Variants in FGD4 observed in about 807,000 individuals in gnomAD.
The protein encoded by FGD4 is FYVE, RhoGEF and PH domain containing 4.
In FGD4, 42 loss-of-function variants were observed where a neutral mutation model predicts 102.0. That is an observed-to-expected ratio of 0.41 (90% confidence interval 0.32 to 0.53). The LOEUF is 0.53. Ranked by LOEUF, FGD4 falls within the 20% of genes least tolerant of loss-of-function variation. FGD4 has a pLI of 0.21. For synonymous variants in FGD4, 380 were observed against 375.7 expected (o/e 1.01, Z -0.13); for missense variants, 902 against 1,078.2 (o/e 0.84, Z 2.29).
chr12:32,638,906 T>C, intron 16 of FGD4, 111 bp downstream of exon 16: 1 of 1,552,588 alleles, frequency 6.4e-7, no homozygotes, highest in Middle Eastern at 1.7e-4. Context: ...TTTCACTGTT[T>C]CATTAAAATT....
intron 3 of FGD4, among the ~76,000 whole-genome samples, chr12:32,576,734 C>T (rs982261821): frequency 6.6e-6 from 1 of 152,142 alleles, no homozygotes; most frequent in South Asian, 2.1e-4. Context: ...CTCTGTATCT[C>T]TGTGTGTCAT....
At chr12:32,406,747 C>A (rs915038723) in intron 1 of FGD4, among the ~76,000 whole-genome samples, 9 of 152,002 alleles carry the variant, frequency 5.9e-5, no homozygotes, top group Admixed American at 5.9e-4. Flanking sequence ...AAATCTCTAG[C>A]CACACCCTTG....
chr12:32,611,608 T>C (rs1010501028), intron 10 of FGD4, among the ~76,000 whole-genome samples: 2 of 152,196 alleles, frequency 1.3e-5, no homozygotes, highest in African/African-American at 4.8e-5. Flanking sequence ...AGGAATTATA[T>C]ATAAAAATAG....
At chr12:32,474,964 ATGTATC>A (rs1465372658) in intron 1 of FGD4, among the ~76,000 whole-genome samples, 1 of 152,188 alleles carries the variant, frequency 6.6e-6, no homozygotes, top group Non-Finnish European at 1.5e-5. Flanking sequence ...TGGCGGGTAT[ATGTATC>A]TGTGAATATA....
chr12:32,564,434 G>A (rs1304610947), intron 2 of FGD4, 145 bp downstream of exon 2: 2 of 1,043,744 alleles, frequency 1.9e-6, no homozygotes, highest in African/African-American at 3.2e-5. Flanking sequence ...GTCCATCTGT[G>A]CATCTTCTCA....
intron 1 of FGD4, among the ~76,000 whole-genome samples, chr12:32,468,868 C>T (rs1456874141): frequency 6.6e-6 from 1 of 152,102 alleles, no homozygotes; most frequent in Non-Finnish European, 1.5e-5. Context: ...ACTCTGTCAC[C>T]CAGGCTGGAG....
chr12:32,494,755 G>C (rs564441130), intron 1 of FGD4, among the ~76,000 whole-genome samples: 57 of 152,204 alleles, frequency 3.7e-4, no homozygotes, highest in Non-Finnish European at 7.2e-4. Flanking sequence ...GAGGGCCCAG[G>C]ATGCAAGAAC....
chr12:32,620,693 ATTT>A (rs1208809588), intron 11 of FGD4, among the ~76,000 whole-genome samples: 1 of 97,088 alleles, frequency 1.0e-5, no homozygotes, highest in Non-Finnish European at 2.0e-5. Flanking sequence ...CACCTGGCTA[ATTT>A]TTTTTTTTTT....
Position 32,593,465 on chromosome 12 carries a change from T to C in FGD4, c.1012-5032T>C, listed in dbSNP as rs139520738. On this transcript the variant is annotated intron_variant, in intron 4 of 16. Transcript: ENST00000534526. ...CTTTGTCAGGGTTAGGGACCTAACATGTAGAAGGTGGTCTGTGTGGAGAGA... is the reference window on the plus strand; with the variant it reads ...CTTTGTCAGGGTTAGGGACCTAACACGTAGAAGGTGGTCTGTGTGGAGAGA... Among the ~76,000 whole-genome samples the C allele has an allele frequency of 1.5e-3, 235 of 152,298 alleles. 1 individual carries two copies. Among genetic ancestry groups the C allele is most frequent in the Non-Finnish European group, 2.4e-3 (161 of 68,010 alleles).
intron 1 of FGD4, among the ~76,000 whole-genome samples, chr12:32,554,914 C>G (rs896724850): frequency 3.2e-4 from 49 of 152,334 alleles, no homozygotes; most frequent in African/African-American, 1.1e-3. Flanking sequence ...AAGGCCAGAT[C>G]CTATAGAGCT....
At chr12:32,605,533 G>A (rs1037215584) in intron 7 of FGD4, among the ~76,000 whole-genome samples, 23 of 151,960 alleles carry the variant, frequency 1.5e-4, no homozygotes, top group African/African-American at 5.6e-4. Flanking sequence ...GTTCCTCTAG[G>A]GTTGCTGTTT....
At chr12:32,580,663 A>G (rs936031893) in intron 3 of FGD4, among the ~76,000 whole-genome samples, 2 of 152,058 alleles carry the variant, frequency 1.3e-5, no homozygotes, top group African/African-American at 2.4e-5. Context: ...CGAGGCGGGC[A>G]GATCACGAGG....
chr12:32,552,434 A>ATTTTTTTTTTTT (rs66646521), intron 1 of FGD4, among the ~76,000 whole-genome samples: 1 of 120,968 alleles, frequency 8.3e-6, no homozygotes, highest in Admixed American at 9.2e-5. Flanking sequence ...TAATTTTTGC[A>ATTTTTTTTTTTT]TTTTTTTTTT....
intron 1 of FGD4, among the ~76,000 whole-genome samples, chr12:32,432,559 G>A (rs1459528703): frequency 6.6e-6 from 1 of 150,464 alleles, no homozygotes; most frequent in Non-Finnish European, 1.5e-5. Flanking sequence ...AGCCAAGATC[G>A]CGCCACTGCA....
At position 32,582,164 on chromosome 12, in the gene FGD4, G is replaced by T. The variant is rs936490141; in HGVS notation, c.708G>T (p.Gln236His). ...VANGVMAAQN[Q>H]MECEEEKAAT... Reference sequence around the variant, plus strand: ...ACGGTGTAATGGCAGCACAAAACCAGATGGAATGTGAGGAGGAGAAAGCTG... The same window carrying T: ...ACGGTGTAATGGCAGCACAAAACCATATGGAATGTGAGGAGGAGAAAGCTG... Residue 236 changes from glutamine to histidine, a missense_variant, in exon 4 of 17, where the codon CAG becomes CAT. Around this residue, in one of 2 missense-constraint regions of FGD4, gnomAD observed 443 missense variants for 459.2 expected, o/e 0.96. Transcript: ENST00000534526. 6.2e-7 allele frequency: 1 copy of T among 1,614,098 alleles called. No homozygotes were observed. The highest frequency in any genetic ancestry group is 1.3e-5 in the African/African-American group (1 of 74,926).
At chr12:32,592,790 A>G (rs1947588079) in intron 4 of FGD4, among the ~76,000 whole-genome samples, 1 of 152,204 alleles carries the variant, frequency 6.6e-6, no homozygotes, top group Non-Finnish European at 1.5e-5. Flanking sequence ...TTACTTCAAA[A>G]TGACTGTATT....
chr12:32,561,174 C>A (rs542901422), intron 1 of FGD4, among the ~76,000 whole-genome samples: 2 of 148,130 alleles, frequency 1.4e-5, no homozygotes, highest in Admixed American at 6.9e-5. Flanking sequence ...AACCTCCCCC[C>A]ATCCTGGGTT....
chr12:32,536,302 T>C (rs1211356691), intron 1 of FGD4, among the ~76,000 whole-genome samples: 1 of 152,236 alleles, frequency 6.6e-6, no homozygotes, highest in Non-Finnish European at 1.5e-5. Flanking sequence ...AAGATTTAAA[T>C]TTAATCAGTT....
intron 1 of FGD4, among the ~76,000 whole-genome samples, chr12:32,467,157 G>C (rs892072479): frequency 6.6e-6 from 1 of 152,202 alleles, no homozygotes; most frequent in African/African-American, 2.4e-5. Flanking sequence ...TGAGTTAAGA[G>C]GATGTGGGTA....
Sources: allele counts gnomAD v4.1 joint callset (sites outside exome capture counted in the v4.1 genomes callset), GRCh38; gene constraint gnomAD v4.1.1; regional missense constraint gnomAD v4.1.1; transcripts MANE v1.5; gene names NCBI Gene and HGNC (gene_info 2026-07-23, HGNC 2026-07-21).